Variants in ATXN1 observed in about 807,000 individuals in gnomAD.
ATXN1 encodes the protein ataxin 1, also known as ataxin-1.
A neutral mutation model predicts 56.4 loss-of-function variants in ATXN1; 8 were observed. That is an observed-to-expected ratio of 0.14 (90% CI 0.08 to 0.26). The LOEUF (loss-of-function observed/expected upper bound fraction) is 0.26. Among genes scored for constraint, ATXN1 ranks in the 10% least tolerant of loss-of-function variants. The pLI, the probability that ATXN1 is intolerant of heterozygous loss-of-function variation, is 1.00. For synonymous variants in ATXN1, 514 were observed against 494.6 expected, an observed-to-expected ratio of 1.04 and a Z score of -0.52; for missense variants, 987 against 1,106.5, an observed-to-expected ratio of 0.89 and a Z score of 1.53.
chr6:16,723,450 C>A (rs1382403301), intron 2 of ATXN1, among the ~76,000 whole-genome samples: 1 of 152,126 alleles, frequency 6.6e-6, no homozygotes, highest in East Asian at 1.9e-4. Context: ...ATTACTTAAT[C>A]CTAAAAGGAG....
At chr6:16,613,258 C>G (rs1270844392) in intron 3 of ATXN1, among the ~76,000 whole-genome samples, 1 of 110,896 alleles carries the variant, frequency 9.0e-6, no homozygotes, top group African/African-American at 3.7e-5. Flanking sequence ...GGCGACAGAG[C>G]GAGACTCCGT....
At chr6:16,706,311 A>C (rs1300342520) in intron 2 of ATXN1, among the ~76,000 whole-genome samples, 1 of 152,150 alleles carries the variant, frequency 6.6e-6, no homozygotes. Context: ...ATCCTATCTT[A>C]TGCTTTAGCC....
intron 3 of ATXN1, 136 bp from the exon 4 acceptor site, chr6:16,586,043 G>GCAAACACACA (rs1554117863): frequency 2.0e-5 from 3 of 148,286 alleles, no homozygotes; most frequent in African/African-American, 7.4e-5. Context: ...GCAAGCATGC[G>GCAAACACACA]CACACACACA....
chr6:16,622,413 ACAAG>A (rs1763334788), intron 3 of ATXN1, among the ~76,000 whole-genome samples: 1 of 152,116 alleles, frequency 6.6e-6, no homozygotes, highest in African/African-American at 2.4e-5. Context: ...CGATAACCAA[ACAAG>A]CAAAGAGTAC....
chr6:16,606,506 G>A (rs949213679), intron 3 of ATXN1, among the ~76,000 whole-genome samples: 1 of 138,612 alleles, frequency 7.2e-6, no homozygotes, highest in African/African-American at 2.6e-5. Flanking sequence ...TTTGTTTGTG[G>A]TTTTTTTGTT....
rs935670089 is a variant in ATXN1 at position 16,760,445 on chromosome 6, G to C, written c.-730+853C>G. Reference sequence around the variant, plus strand: ...GGCTGCCGCTGCACATGATCAGGAAGCGGCCGCACCAACAGGGCGGCGGTG... The same window carrying C: ...GGCTGCCGCTGCACATGATCAGGAACCGGCCGCACCAACAGGGCGGCGGTG... On this transcript the variant is annotated intron_variant, in intron 1 of 7. Transcript: ENST00000436367. The surrounding 1 kb of genome is among the most constrained non-coding windows in gnomAD (Gnocchi z 5.3). Among the ~76,000 whole-genome samples the C allele has an allele frequency of 6.0e-5, 9 of 151,158 alleles. No individual in the cohort carries two copies. The highest frequency in any genetic ancestry group is 2.2e-4 in the African/African-American group (9 of 41,292).
chr6:16,739,814 C>T (rs996586530), intron 2 of ATXN1: 17 of 456,476 alleles, frequency 3.7e-5, no homozygotes, highest in Admixed American at 2.4e-4. Context: ...TGCCTCCTGG[C>T]GAGTTCATAA....
chr6:16,692,398 G>A (rs918860162), intron 2 of ATXN1, among the ~76,000 whole-genome samples: 2 of 152,164 alleles, frequency 1.3e-5, no homozygotes, highest in African/African-American at 4.8e-5. Flanking sequence ...ATTACTTTGG[G>A]TTCTCAGATG....
At chr6:16,727,798 C>A (rs1759883017) in intron 2 of ATXN1, among the ~76,000 whole-genome samples, 2 of 152,212 alleles carry the variant, frequency 1.3e-5, no homozygotes, top group African/African-American at 2.4e-5. Context: ...ATAAAATGAT[C>A]AAAATTAACA....
At chr6:16,666,802 C>T (rs1398905830) in intron 2 of ATXN1, 1 of 103,504 alleles carries the variant, frequency 9.7e-6, no homozygotes, top group Non-Finnish European at 2.0e-5. Flanking sequence ...CTGCACCCAG[C>T]CATGACTTTT....
chr6:16,408,076 C>T (rs1758721985), intron 6 of ATXN1, among the ~76,000 whole-genome samples: 1 of 152,110 alleles, frequency 6.6e-6, no homozygotes, highest in African/African-American at 2.4e-5. Flanking sequence ...TATCTACCAA[C>T]CCAGCCCCTT....
intron 5 of ATXN1, among the ~76,000 whole-genome samples, chr6:16,491,090 A>ATTTTTTTTTTTTTTTTTTTT (rs35884389): frequency 1.3e-5 from 1 of 78,310 alleles, no homozygotes; most frequent in Non-Finnish European, 2.2e-5. Context: ...GGATCCCTGG[A>ATTTTTTTTTTTTTTTTTTTT]TTTTTTTTTT....
intron 3 of ATXN1, among the ~76,000 whole-genome samples, chr6:16,609,902 T>G (rs72825554): frequency 2.0e-5 from 3 of 151,970 alleles, no homozygotes; most frequent in Non-Finnish European, 2.9e-5. Context: ...GAATGACAAG[T>G]AAATGAAAAC....
intron 3 of ATXN1, among the ~76,000 whole-genome samples, chr6:16,627,596 T>C (rs1012026252): frequency 2.6e-5 from 4 of 151,888 alleles, no homozygotes; most frequent in Non-Finnish European, 5.9e-5. Flanking sequence ...GTGTGGTGGC[T>C]CACGCCTGTC....
intron 6 of ATXN1, among the ~76,000 whole-genome samples, chr6:16,366,780 GA>G (rs770284096): frequency 0.016 from 1,602 of 98,390 alleles, 19 homozygotes; most frequent in African/African-American, 0.05. Context: ...GACTCTGTCT[GA>G]AAAAAAAAAA....
At chr6:16,574,412 T>G (rs1762385560) in intron 4 of ATXN1, among the ~76,000 whole-genome samples, 1 of 152,234 alleles carries the variant, frequency 6.6e-6, no homozygotes, top group Non-Finnish European at 1.5e-5. Context: ...TTTCTCCATG[T>G]TGCTCAGGGT....
At chr6:16,561,961 C>G (rs1486554025) in intron 4 of ATXN1, among the ~76,000 whole-genome samples, 1 of 152,032 alleles carries the variant, frequency 6.6e-6, no homozygotes, top group East Asian at 1.9e-4. Context: ...GTTATACACA[C>G]TTAGGCAGAA....
intron 3 of ATXN1, among the ~76,000 whole-genome samples, chr6:16,597,041 C>T (rs1217535997): frequency 1.3e-5 from 2 of 152,246 alleles, no homozygotes; most frequent in Non-Finnish European, 2.9e-5. Context: ...CTGCATCCCC[C>T]TCCTGCTCCA....
intron 3 of ATXN1, among the ~76,000 whole-genome samples, chr6:16,651,243 T>C (rs1265546270): frequency 1.3e-5 from 2 of 152,116 alleles, no homozygotes; most frequent in East Asian, 3.9e-4. Flanking sequence ...TAAACTATCA[T>C]ATTAAAGAGG....
Sources: allele counts gnomAD v4.1 joint callset (sites outside exome capture counted in the v4.1 genomes callset), GRCh38; gene constraint gnomAD v4.1.1; non-coding constraint Gnocchi (gnomAD v3.1); transcripts MANE v1.5; gene names NCBI Gene and HGNC (gene_info 2026-07-23, HGNC 2026-07-21).